The following ECHDC1 variants were observed in gnomAD, a reference collection of about 807,000 sequenced individuals.
ECHDC1 encodes ethylmalonyl-CoA decarboxylase 1.
A neutral mutation model predicts 29.7 loss-of-function variants in ECHDC1; 29 were observed. That is an observed-to-expected ratio of 0.98 (90% CI 0.73 to 1.33). The LOEUF is 1.33. Among genes scored for constraint, ECHDC1 ranks in the 40% most tolerant of loss-of-function variants. The probability of loss-of-function intolerance (pLI) is 0.00; values close to 1 mark genes in which losing one functional copy is unlikely to be tolerated. For missense variants in ECHDC1, 328 were observed against 350.0 expected (o/e 0.94, Z 0.50); for synonymous variants, 126 against 123.1 (o/e 1.02, Z -0.15).
intron 5 of ECHDC1, among the ~76,000 whole-genome samples, chr6:127,293,405 C>G (rs1033288658): frequency 6.6e-6 from 1 of 152,104 alleles, no homozygotes; most frequent in Non-Finnish European, 1.5e-5. Context: ...TGCATACACT[C>G]AGAAGCCAGA....
intron 2 of ECHDC1, among the ~76,000 whole-genome samples, chr6:127,328,589 A>G (rs1374853362): frequency 2.0e-5 from 3 of 152,244 alleles, no homozygotes; most frequent in Non-Finnish European, 4.4e-5. Context: ...CTTTCCAAGG[A>G]TGTCCTAGAT....
intron 5 of ECHDC1, among the ~76,000 whole-genome samples, chr6:127,291,599 G>C (rs1329164824): frequency 6.6e-6 from 1 of 152,046 alleles, no homozygotes; most frequent in Admixed American, 6.6e-5. Context: ...CTAAATAAAC[G>C]CCCATGCGTT....
intron 3 of ECHDC1, among the ~76,000 whole-genome samples, chr6:127,316,911 G>C (rs1005376458): frequency 3.3e-5 from 5 of 152,054 alleles, no homozygotes; most frequent in African/African-American, 1.2e-4. Flanking sequence ...ATATTTCTAA[G>C]GCTTTATCTT....
chr6:127,318,511 C>T (rs1044912560), intron 3 of ECHDC1, among the ~76,000 whole-genome samples: 2 of 152,092 alleles, frequency 1.3e-5, no homozygotes, highest in Admixed American at 6.6e-5. Flanking sequence ...ATAATTTTGC[C>T]AGAGATACAG....
intron 5 of ECHDC1, among the ~76,000 whole-genome samples, chr6:127,307,466 T>G (rs559861425): frequency 6.6e-6 from 1 of 151,378 alleles, no homozygotes; most frequent in African/African-American, 2.4e-5. Flanking sequence ...CCATCTCTAC[T>G]AAAAATACAA....
At chr6:127,343,189 G>A (rs1431442415) in intron 1 of ECHDC1, 147 bp downstream of exon 1, 4 of 152,192 alleles carry the variant, frequency 2.6e-5, no homozygotes, top group Non-Finnish European at 5.9e-5. Flanking sequence ...GCGCTTGCAA[G>A]GGACAAGCCG....
chr6:127,305,321 C>T (rs1337385652), intron 5 of ECHDC1, among the ~76,000 whole-genome samples: 1 of 152,118 alleles, frequency 6.6e-6, no homozygotes, highest in Non-Finnish European at 1.5e-5. Context: ...ATAGTATATT[C>T]TGCAAAAATA....
chr6:127,330,320 G>A (rs1783808361), intron 2 of ECHDC1, among the ~76,000 whole-genome samples: 2 of 152,134 alleles, frequency 1.3e-5, no homozygotes, highest in African/African-American at 4.8e-5. Context: ...TCCACAGCTG[G>A]ACAAGTGCCG....
chr6:127,291,577 G>A (rs1275865336), intron 5 of ECHDC1, among the ~76,000 whole-genome samples: 1 of 152,078 alleles, frequency 6.6e-6, no homozygotes, highest in East Asian at 1.9e-4. Context: ...AAAGCTACAC[G>A]ATTTAGCTTT....
At chr6:127,324,843 T>C (rs539264169) in intron 3 of ECHDC1, among the ~76,000 whole-genome samples, 1 of 152,294 alleles carries the variant, frequency 6.6e-6, no homozygotes, top group Admixed American at 6.5e-5. Context: ...TGCATATTGA[T>C]ATAAATAACT....
intron 5 of ECHDC1, among the ~76,000 whole-genome samples, chr6:127,290,546 TTAAG>T (rs1340108002): frequency 6.6e-6 from 1 of 152,070 alleles, no homozygotes; most frequent in Non-Finnish European, 1.5e-5. Flanking sequence ...TTGATCTTTC[TTAAG>T]TGAGTGGTGA....
rs2114682494 is a variant in ECHDC1, at chr6:127,330,946, G to A, written c.83C>T (p.Thr28Ile). Residue 28 changes from threonine (T) to isoleucine (I), a missense_variant, in exon 2 of 6, where the codon ACA becomes ATA. Coordinates refer to ENST00000454859, the MANE Select transcript of ECHDC1 (RefSeq NM_001002030.2). ...LHQTGLSLYS[T>I]SHGFYEEEVK... Reference sequence around the variant, plus strand: ...TTCTTCCTCATAAAATCCATGGGATGTACTATAAAGTGACAATCCTGTTTG... The same window carrying A: ...TTCTTCCTCATAAAATCCATGGGATATACTATAAAGTGACAATCCTGTTTG... 2.5e-6 allele frequency: 4 copies of A among 1,614,074 alleles called. No individual in the cohort carries two copies. Among genetic ancestry groups the A allele is most frequent in the Non-Finnish European group, 3.4e-6 (4 of 1,180,026 alleles).
intron 3 of ECHDC1, among the ~76,000 whole-genome samples, chr6:127,318,642 G>C (rs1782585232): frequency 6.6e-6 from 1 of 152,236 alleles, no homozygotes; most frequent in Non-Finnish European, 1.5e-5. Flanking sequence ...TTAGAGAGGA[G>C]AAGGGAAGGT....
intron 5 of ECHDC1, among the ~76,000 whole-genome samples, chr6:127,305,898 C>A (rs930903593): frequency 6.6e-6 from 1 of 150,862 alleles, no homozygotes; most frequent in Non-Finnish European, 1.5e-5. Flanking sequence ...GAGAAGACCA[C>A]AAAACAACCC....
At chr6:127,333,297 G>C (rs546399345) in intron 1 of ECHDC1, among the ~76,000 whole-genome samples, 1 of 152,276 alleles carries the variant, frequency 6.6e-6, no homozygotes, top group African/African-American at 2.4e-5. Flanking sequence ...AGGTTTACCT[G>C]ATGTAGTTCC....
chr6:127,316,628 T>C (rs1322241061), intron 3 of ECHDC1, 126 bp from the exon 4 acceptor site: 1 of 698,090 alleles, frequency 1.4e-6, no homozygotes, highest in African/African-American at 1.8e-5. Context: ...GACATTTCCA[T>C]TTAAAACTCT....
rs545319701 is a variant in ECHDC1 at position 127,308,398 on chromosome 6, A to C, written c.497+6418T>G. Among the ~76,000 whole-genome samples the C allele has an allele frequency of 7.2e-5, 11 of 152,344 alleles. No individual in the cohort carries two copies. In the East Asian group the frequency reaches 2.1e-3, roughly 29 times the overall value. ...ACCAACAGAATGAAGGACAAAAGCTATATAATAATTTGGACTCATGCTGAA... is the reference window on the plus strand; with the variant it reads ...ACCAACAGAATGAAGGACAAAAGCTCTATAATAATTTGGACTCATGCTGAA... On this transcript the variant is annotated intron_variant, in intron 5 of 5. Coordinates refer to ENST00000454859, the MANE Select transcript of ECHDC1 (RefSeq NM_001002030.2).
chr6:127,306,277 C>T (rs1178347190), intron 5 of ECHDC1, among the ~76,000 whole-genome samples: 1 of 152,128 alleles, frequency 6.6e-6, no homozygotes, highest in East Asian at 1.9e-4. Flanking sequence ...TGCCACCCAT[C>T]ACTGGAGCAC....
chr6:127,329,487 T>A lies in ECHDC1; in HGVS notation c.220+1322A>T, dbSNP rs141308610. 5.8e-3 allele frequency among the ~76,000 whole-genome samples: 880 copies of A among 152,332 alleles called. 7 individuals carry two copies. The highest frequency in any genetic ancestry group is 0.02 in the African/African-American group (834 of 41,564). On this transcript the variant is annotated intron_variant, in intron 2 of 5. Transcript: ENST00000454859. ...CTTTCAATTTCTATTTTTCCTGGACTAATATTAAATTGGTTTTTATTCCCT... is the reference window on the plus strand; with the variant it reads ...CTTTCAATTTCTATTTTTCCTGGACAAATATTAAATTGGTTTTTATTCCCT...
Sources: allele counts gnomAD v4.1 joint callset (sites outside exome capture counted in the v4.1 genomes callset), GRCh38; gene constraint gnomAD v4.1.1; transcripts MANE v1.5; gene names NCBI Gene and HGNC (gene_info 2026-07-23, HGNC 2026-07-21).